The following ERICH6B variants were observed in gnomAD, a reference collection of about 807,000 sequenced individuals.
ERICH6B encodes the protein glutamate-rich protein 6B.
Under a neutral mutation model 80.0 loss-of-function variants are expected in ERICH6B, and 69 were observed. The observed-to-expected ratio is 0.86, with a 90% CI of 0.71 to 1.05. ERICH6B has a LOEUF of 1.05. ERICH6B is among the 50% of genes least tolerant of loss of function. ERICH6B has a pLI of 0.00. For missense variants in ERICH6B, 754 were observed against 796.1 expected (o/e 0.95, Z 0.64); for synonymous variants, 283 against 291.9 (o/e 0.97, Z 0.31).
intron 11 of ERICH6B, among the ~76,000 whole-genome samples, chr13:45,554,299 C>T (rs1427818767): frequency 6.6e-6 from 1 of 152,136 alleles, no homozygotes; most frequent in Non-Finnish European, 1.5e-5. Context: ...ATAGGATTTC[C>T]CTCTTTTTTA....
chr13:45,601,424 T>C (rs949030570), intron 2 of ERICH6B, among the ~76,000 whole-genome samples: 1 of 152,188 alleles, frequency 6.6e-6, no homozygotes, highest in South Asian at 2.1e-4. Flanking sequence ...CTGCTTTGAT[T>C]GCTGTCCAGC....
At chr13:45,610,859 A>T (rs4942424) in intron 1 of ERICH6B, among the ~76,000 whole-genome samples, 1 of 102,118 alleles carries the variant, frequency 9.8e-6, no homozygotes, top group East Asian at 2.7e-4. Flanking sequence ...GTGTGTGTGT[A>T]TATATATATT....
chr13:45,563,881 G>T, intron 9 of ERICH6B, 93 bp from the exon 10 acceptor site: 1 of 1,088,762 alleles, frequency 9.2e-7, no homozygotes, highest in East Asian at 2.6e-5. Context: ...AGCCTGCAGA[G>T]TCTCTTTCGC....
intron 4 of ERICH6B, among the ~76,000 whole-genome samples, chr13:45,589,822 C>T (rs1019105488): frequency 1.3e-5 from 2 of 152,204 alleles, no homozygotes; most frequent in Non-Finnish European, 2.9e-5. Flanking sequence ...GCATCACCTG[C>T]AGTGGAGTTA....
At chr13:45,587,697 T>A (rs962827226) in intron 4 of ERICH6B, among the ~76,000 whole-genome samples, 1 of 152,172 alleles carries the variant, frequency 6.6e-6, no homozygotes, top group Non-Finnish European at 1.5e-5. Flanking sequence ...TCAAAAAGGC[T>A]TTCCAAAGGG....
At chr13:45,613,831 T>A (rs2138044632) in intron 1 of ERICH6B, among the ~76,000 whole-genome samples, 1 of 152,348 alleles carries the variant, frequency 6.6e-6, no homozygotes, top group South Asian at 2.1e-4. Context: ...TACAAAGACT[T>A]TTTTAGTTAT....
At chr13:45,580,734 G>GAAAAT in intron 5 of ERICH6B, 69 bp from the exon 6 acceptor site, 1 of 1,461,640 alleles carries the variant, frequency 6.8e-7, no homozygotes, top group Non-Finnish European at 9.3e-7. Flanking sequence ...GTTCATACTG[G>GAAAAT]GTATGTGGGG....
intron 2 of ERICH6B, among the ~76,000 whole-genome samples, chr13:45,602,488 T>C (rs530120240): frequency 1.3e-5 from 2 of 152,346 alleles, no homozygotes; most frequent in East Asian, 3.9e-4. Flanking sequence ...CACTCATCAC[T>C]GGCCTTTTTC....
intron 3 of ERICH6B, among the ~76,000 whole-genome samples, chr13:45,595,654 C>A (rs970802578): frequency 6.8e-6 from 1 of 147,044 alleles, no homozygotes; most frequent in Non-Finnish European, 1.5e-5. Context: ...TATATAGTTT[C>A]TTTCTTTCTT....
At chr13:45,600,184 G>A (rs557685860) in intron 2 of ERICH6B, among the ~76,000 whole-genome samples, 15 of 152,168 alleles carry the variant, frequency 9.9e-5, no homozygotes, top group South Asian at 6.2e-4. Flanking sequence ...TATTATTGCC[G>A]TCTACTTCTA....
chr13:45,597,588 C>T (rs1876453143), intron 2 of ERICH6B, among the ~76,000 whole-genome samples: 1 of 152,162 alleles, frequency 6.6e-6, no homozygotes, highest in Admixed American at 6.5e-5. Context: ...CTCATGGCTA[C>T]CACATGCACT....
intron 7 of ERICH6B, among the ~76,000 whole-genome samples, chr13:45,576,076 G>A (rs1347551017): frequency 6.6e-6 from 1 of 152,172 alleles, no homozygotes; most frequent in Non-Finnish European, 1.5e-5. Context: ...GAGATGGGAT[G>A]TTCTTTGTGA....
rs564790766 is a variant in ERICH6B at position 45,568,896 on chromosome 13, A to C, written c.1051-445T>G. On this transcript the variant is annotated intron_variant, in intron 8 of 14. Transcript: ENST00000298738. ...ACATGCCAAAAAATCTTTGGAGAAC[A>C]TACAATTATCTTCTTTTTTCAAATG... Among the ~76,000 whole-genome samples, 8 of 152,312 alleles carry C rather than the reference A, an allele frequency of 5.3e-5. 1 individual carries two copies. In the South Asian group the frequency reaches 1.7e-3, roughly 32 times the overall value.
At chr13:45,580,923 C>G (rs1054353691) in intron 5 of ERICH6B, among the ~76,000 whole-genome samples, 1 of 152,176 alleles carries the variant, frequency 6.6e-6, no homozygotes, top group Non-Finnish European at 1.5e-5. Flanking sequence ...GCCTTCTCCT[C>G]TGGTTACCAT....
In ERICH6B at chr13:45,596,688, C is replaced by T; in HGVS notation, c.318G>A (p.Glu106=). ...EYLEKAGYLE[E]EEYIEEEEYL... ...ACTCTTCCTCTTCAATATACTCTTC[C>T]TCCTCCAGATACCCTGCCTTCTCCA... Residue 106 remains glutamate, a synonymous_variant, in exon 3 of 15, where the codon GAG becomes GAA. Transcript: ENST00000298738. The T allele has an allele frequency of 6.4e-7, 1 of 1,552,016 alleles. No individual in the cohort carries two copies. The highest frequency in any genetic ancestry group is 8.7e-7 in the Non-Finnish European group (1 of 1,147,048).
intron 10 of ERICH6B, 114 bp downstream of exon 10, chr13:45,563,613 G>T: frequency 1.0e-6 from 1 of 971,388 alleles, no homozygotes; most frequent in Non-Finnish European, 1.6e-6. Context: ...TGTAGGCACT[G>T]AAGTGAGTGA....
Position 45,598,729 on chromosome 13 carries a change from C to T in ERICH6B, c.-58-1666G>A, listed in dbSNP as rs1040853169. Among the ~76,000 whole-genome samples the T allele has an allele frequency of 4.6e-5, 7 of 152,120 alleles. No homozygotes were observed. In the South Asian group the frequency reaches 1.2e-3, roughly 27 times the overall value. On this transcript the variant is annotated intron_variant, in intron 2 of 14. Coordinates refer to ENST00000298738, the MANE Select transcript of ERICH6B (RefSeq NM_182542.3). Reference sequence around the variant, plus strand: ...AACACAGAAGTACACTGCCCAGATCCCCTTTTCAAAGAAGGACTTGCCGCC... The same window carrying T: ...AACACAGAAGTACACTGCCCAGATCTCCTTTTCAAAGAAGGACTTGCCGCC...
In ERICH6B at chr13:45,577,361, G is replaced by A. The variant is rs1306096340; in HGVS notation, c.962-2431C>T. 6.8e-5 allele frequency among the ~76,000 whole-genome samples: 9 copies of A among 133,136 alleles called. 1 individual carries two copies. The highest frequency in any genetic ancestry group is 6.1e-5 in the Non-Finnish European group (4 of 65,490). 87.3% of individuals were successfully genotyped at this position (133,136 alleles called of 152,430 possible). A position where few individuals can be genotyped will look rare whatever the true frequency, so the allele number is the denominator to read the frequency against. On this transcript the variant is annotated intron_variant, in intron 7 of 14. Coordinates refer to ENST00000298738, the MANE Select transcript of ERICH6B (RefSeq NM_182542.3). ...TGCAGTGGCGCGATCTCAGCTCACT[G>A]CAATCTCCGCCTCCCGGGTTCAACC...
At chr13:45,565,089 A>G (rs1296726617) in intron 9 of ERICH6B, among the ~76,000 whole-genome samples, 1 of 152,162 alleles carries the variant, frequency 6.6e-6, no homozygotes, top group African/African-American at 2.4e-5. Flanking sequence ...GAGGGAGAAA[A>G]TGGCACAGAG....
Sources: gnomAD v4.1 joint callset for allele counts (sites outside exome capture counted in the v4.1 genomes callset) on GRCh38, gnomAD v4.1.1 for gene constraint, MANE v1.5 for transcripts, NCBI Gene and HGNC (gene_info 2026-07-23, HGNC 2026-07-21) for gene names.